The following RBM11 variants were observed in gnomAD, a reference collection of about 807,000 sequenced individuals.
RBM11 encodes RNA binding motif protein 11.
RBM11 carries 18 observed loss-of-function variants against 21.4 expected under a neutral mutation model. The ratio of observed to expected loss-of-function variants is 0.84; its 90% CI spans 0.58 to 1.25. RBM11 has a LOEUF of 1.25. Ranked by LOEUF, RBM11 falls within the 50% of genes most tolerant of loss-of-function variation. The pLI is 0.00. For synonymous variants in RBM11, 120 were observed against 116.3 expected, an observed-to-expected ratio of 1.03 and a Z score of -0.20; for missense variants, 294 against 331.9, an observed-to-expected ratio of 0.89 and a Z score of 0.89.
intron 4 of RBM11, among the ~76,000 whole-genome samples, chr21:14,226,653 C>A (rs951079510): frequency 6.6e-6 from 1 of 151,562 alleles, no homozygotes; most frequent in Admixed American, 6.6e-5. Context: ...AAACTATTTC[C>A]ATTGGATAGC....
intron 1 of RBM11, among the ~76,000 whole-genome samples, chr21:14,219,179 GC>G (rs1247324744): frequency 1.9e-4 from 29 of 152,248 alleles, no homozygotes; most frequent in African/African-American, 6.5e-4. Context: ...AACTCAACCA[GC>G]ATTGAATTTC....
intron 1 of RBM11, among the ~76,000 whole-genome samples, chr21:14,218,098 T>C (rs1978364457): frequency 6.6e-6 from 1 of 152,190 alleles, no homozygotes; most frequent in Non-Finnish European, 1.5e-5. Context: ...TTGACAACTA[T>C]CACACTATGT....
chr21:14,226,620 A>C (rs1979106070), intron 4 of RBM11, among the ~76,000 whole-genome samples: 1 of 17,992 alleles, frequency 5.6e-5, no homozygotes, highest in Non-Finnish European at 1.1e-4. Context: ...ACCCTGTCTC[A>C]AAAAAAAAAA....
chr21:14,221,556 C>T (rs2123398420), intron 3 of RBM11: 1 of 154,650 alleles, frequency 6.5e-6, no homozygotes, highest in Admixed American at 6.5e-5. Context: ...AAAGTGCTAG[C>T]TTTGAAACTA....
chr21:14,216,174 C>G lies in RBM11; in HGVS notation c.-13C>G. ...TCTCAGCTCCTACTTCATTCTACGG[C>G]CGAGACCGGAGGATGTTCCCTGCTC... On this transcript the variant is annotated 5_prime_UTR_variant, in exon 1 of 5. Coordinates refer to ENST00000400577, the MANE Select transcript of RBM11 (RefSeq NM_144770.5). 6.2e-7 allele frequency: 1 copy of G among 1,609,216 alleles called. No homozygotes were observed. The highest frequency in any genetic ancestry group is 1.1e-5 in the South Asian group (1 of 90,482).
Position 14,227,367 on chromosome 21 carries a change from A to G in RBM11, c.*74A>G. 1.4e-6 allele frequency: 2 copies of G among 1,385,396 alleles called. No homozygotes were observed. The highest frequency in any genetic ancestry group is 2.0e-6 in the Non-Finnish European group (2 of 1,024,580). 85.8% of individuals were successfully genotyped at this position (1,385,396 alleles called of 1,614,324 possible). The stretch of plus-strand genomic sequence containing the variant: ...AAAAAAATAAGATGTTATCCCATCA[A>G]ATAAACAATGTCATGGCTATCTTGT... On this transcript the variant is annotated 3_prime_UTR_variant, in exon 5 of 5. Transcript: ENST00000400577.
chr21:14,219,652 G>C lies in RBM11; in HGVS notation c.186G>C (p.Ser62=). The C allele has an allele frequency of 6.2e-7, 1 of 1,607,534 alleles. No homozygotes were observed. Among genetic ancestry groups the C allele is most frequent in the Admixed American group, 1.7e-5 (1 of 59,700 alleles). The change falls in exon 2 of 5, where the codon TCG becomes TCC. Residue 62 remains serine (S), a synonymous_variant. Coordinates refer to ENST00000400577, the MANE Select transcript of RBM11 (RefSeq NM_144770.5). ...FGFVCFKHPE[S]VSYAIALLNG... ...TTGTCTGCTTTAAACACCCAGAATC[G>C]GTGTCTTATGCCATAGCTTTGCTGA...
At chr21:14,226,417 G>A (rs1006808097) in intron 4 of RBM11, among the ~76,000 whole-genome samples, 3 of 151,948 alleles carry the variant, frequency 2.0e-5, no homozygotes, top group African/African-American at 7.2e-5. Context: ...TCAGGAGATC[G>A]AGACCAGCCT....
chr21:14,224,683 C>A, intron 4 of RBM11, 146 bp downstream of exon 4: 1 of 1,214,002 alleles, frequency 8.2e-7, no homozygotes, highest in Non-Finnish European at 1.1e-6. Flanking sequence ...GTGTCCTGGC[C>A]TAACACCATC....
In RBM11 at chr21:14,227,393, CTT is replaced by C. The variant is rs1979196784; in HGVS notation, c.*103_*104del. The C allele has an allele frequency of 7.8e-7, 1 of 1,274,596 alleles. No individual in the cohort carries two copies. Among genetic ancestry groups the C allele is most frequent in the Non-Finnish European group, 1.1e-6 (1 of 938,438 alleles). The allele number at this position is 1,274,596 out of a possible 1,614,324, so 79.0% of individuals were successfully genotyped here. A position where few individuals can be genotyped will look rare whatever the true frequency, so the allele number is the denominator to read the frequency against. On this transcript the variant is annotated 3_prime_UTR_variant, in exon 5 of 5. Coordinates refer to ENST00000400577, the MANE Select transcript of RBM11 (RefSeq NM_144770.5). Reference sequence around the variant, plus strand: ...ATAAACAATGTCATGGCTATCTTGTCTTTTGAAATATGTAGTAATAAGACTTA... The same window carrying C: ...ATAAACAATGTCATGGCTATCTTGTCTTGAAATATGTAGTAATAAGACTTA...
chr21:14,219,638 A>G lies in RBM11; in HGVS notation c.172A>G (p.Lys58Glu), dbSNP rs1243800724. 1 of 1,607,678 alleles carries G rather than the reference A, an allele frequency of 6.2e-7. No homozygotes were observed. Among genetic ancestry groups the G allele is most frequent in the Non-Finnish European group, 8.5e-7 (1 of 1,175,608 alleles). The change falls in exon 2 of 5, where the codon AAA becomes GAA. Residue 58 changes from lysine (K) to glutamate (E), a missense_variant. This residue lies in a region of RBM11 where 181 missense variants were observed against 164.6 expected (regional missense o/e 1.10). Coordinates refer to ENST00000400577, the MANE Select transcript of RBM11 (RefSeq NM_144770.5). ...KPKSFGFVCF[K>E]HPESVSYAIA... ...AAAGTCTTTTGGATTTGTCTGCTTT[A>G]AACACCCAGAATCGGTGTCTTATGC...
At chr21:14,217,223 T>C (rs2020465622) in intron 1 of RBM11, among the ~76,000 whole-genome samples, 1 of 152,192 alleles carries the variant, frequency 6.6e-6, no homozygotes, top group Non-Finnish European at 1.5e-5. Flanking sequence ...ATCTGCAGTA[T>C]AATGTGGCTA....
chr21:14,222,495 G>A (rs1978758616), intron 3 of RBM11, among the ~76,000 whole-genome samples: 1 of 152,052 alleles, frequency 6.6e-6, no homozygotes, highest in African/African-American at 2.4e-5. Context: ...GAACATTGGA[G>A]AGTGGCCCCT....
Position 14,219,610 on chromosome 21 carries a change from G to A in RBM11, c.144G>A (p.Lys48=). 6.3e-7 allele frequency: 1 copy of A among 1,594,994 alleles called. No homozygotes were observed. The highest frequency in any genetic ancestry group is 8.6e-7 in the Non-Finnish European group (1 of 1,167,276). ...KVTICKDREG[K]PKSFGFVCFK... is the part of the protein sequence containing the mutation. Reference sequence around the variant, plus strand: ...CTATATGCAAAGACAGAGAAGGAAAGCCAAAGTCTTTTGGATTTGTCTGCT... The same window carrying A: ...CTATATGCAAAGACAGAGAAGGAAAACCAAAGTCTTTTGGATTTGTCTGCT... Residue 48 remains lysine, a synonymous_variant, in exon 2 of 5, where the codon AAG becomes AAA. Coordinates refer to ENST00000400577, the MANE Select transcript of RBM11 (RefSeq NM_144770.5).
At chr21:14,223,720 G>C (rs1306608280) in intron 3 of RBM11, among the ~76,000 whole-genome samples, 1 of 152,108 alleles carries the variant, frequency 6.6e-6, no homozygotes, top group East Asian at 1.9e-4. Flanking sequence ...TTGAGATGTG[G>C]GACCTTTGGG....
intron 1 of RBM11, 42 bp downstream of exon 1, chr21:14,216,324 C>T (rs374144021): frequency 1.6e-4 from 257 of 1,569,132 alleles, no homozygotes; most frequent in Non-Finnish European, 1.8e-4. Flanking sequence ...CGGAGCACGT[C>T]GGGCCGGAAA....
chr21:14,226,155 C>T (rs1184991712), intron 4 of RBM11, among the ~76,000 whole-genome samples: 5 of 151,742 alleles, frequency 3.3e-5, no homozygotes, highest in Non-Finnish European at 7.4e-5. Flanking sequence ...GTATAAAATA[C>T]ACCTCATATT....
chr21:14,222,687 A>G (rs968331315), intron 3 of RBM11, among the ~76,000 whole-genome samples: 1 of 152,204 alleles, frequency 6.6e-6, no homozygotes, highest in Non-Finnish European at 1.5e-5. Flanking sequence ...ATTAACGTCA[A>G]TTAACAGTTT....
intron 1 of RBM11, among the ~76,000 whole-genome samples, chr21:14,217,968 A>C (rs1325004784): frequency 6.6e-6 from 1 of 152,162 alleles, no homozygotes; most frequent in Non-Finnish European, 1.5e-5. Flanking sequence ...CCTAAGCAAA[A>C]TATAAATTTT....
Sources: gnomAD v4.1 joint callset for allele counts (sites outside exome capture counted in the v4.1 genomes callset) on GRCh38, gnomAD v4.1.1 for gene constraint, gnomAD v4.1.1 regional missense constraint, MANE v1.5 for transcripts, NCBI Gene and HGNC (gene_info 2026-07-23, HGNC 2026-07-21) for gene names.